GRAMD2B: variants seen among roughly 807,000 people sequenced by gnomAD.
The protein encoded by GRAMD2B is GRAM domain-containing protein 2B.
In GRAMD2B, 41 loss-of-function variants were observed where a neutral mutation model predicts 59.2. The observed-to-expected ratio is 0.69, with a 90% CI of 0.54 to 0.90. The LOEUF (loss-of-function observed/expected upper bound fraction) is 0.90, where lower values mean the gene tolerates loss of function less well. Ranked by LOEUF, GRAMD2B falls within the 40% of genes least tolerant of loss-of-function variation. GRAMD2B has a pLI of 0.00. For missense variants in GRAMD2B, 424 were observed against 500.5 expected, an observed-to-expected ratio of 0.85 and a Z score of 1.46; for synonymous variants, 161 against 182.7, an observed-to-expected ratio of 0.88 and a Z score of 0.96.
intron 1 of GRAMD2B, among the ~76,000 whole-genome samples, chr5:126,453,399 A>G (rs910685213): frequency 1.3e-4 from 20 of 152,022 alleles, no homozygotes; most frequent in African/African-American, 4.8e-4. Flanking sequence ...AAAAATGCTT[A>G]AAGTCCCTGC....
intron 2 of GRAMD2B, chr5:126,466,299 A>C (rs979996933): frequency 6.6e-7 from 1 of 1,519,104 alleles, no homozygotes; most frequent in Non-Finnish European, 8.9e-7. Context: ...CCCAGCCCAT[A>C]TCTTCTCTCC....
At chr5:126,404,792 C>G (rs951678724) in intron 1 of GRAMD2B, among the ~76,000 whole-genome samples, 1 of 151,840 alleles carries the variant, frequency 6.6e-6, no homozygotes, top group African/African-American at 2.4e-5. Flanking sequence ...ACACCATCTC[C>G]ATGTCAACAG....
In GRAMD2B at chr5:126,480,634, G is replaced by A. The variant is rs950402726; in HGVS notation, c.662G>A (p.Ser221Asn). 6.2e-7 allele frequency: 1 copy of A among 1,613,980 alleles called. No homozygotes were observed. Among genetic ancestry groups the A allele is most frequent in the Non-Finnish European group, 8.5e-7 (1 of 1,179,862 alleles). Residue 221 changes from serine (S) to asparagine (N), a missense_variant, in exon 8 of 14, where the codon AGT becomes AAT. Coordinates refer to ENST00000285689, the MANE Select transcript of GRAMD2B (RefSeq NM_023927.4). ...TTGTTCCAATAATTTCAGAATACAA[G>A]TGTTGGTAACAGTCCCAATCCATCT... ...KSVCGHLENT[S>N]VGNSPNPSSA...
chr5:126,406,845 G>A (rs1200735938), intron 1 of GRAMD2B, among the ~76,000 whole-genome samples: 1 of 151,996 alleles, frequency 6.6e-6, no homozygotes, highest in African/African-American at 2.4e-5. Flanking sequence ...GGAGAAGTAA[G>A]CCAGATTGCT....
At position 126,392,251 on chromosome 5, in the gene GRAMD2B, A is replaced by C. The variant is rs113598455; in HGVS notation, c.125+20684A>C. Among the ~76,000 whole-genome samples, 1,522 of 152,290 alleles carry C rather than the reference A, an allele frequency of 1.0e-2. 39 individuals carry two copies. Among genetic ancestry groups the C allele is most frequent in the African/African-American group, 0.035 (1,465 of 41,554 alleles). ...AGAGATTCACTAGAAGGACTCATAGAACTCACCATTATTCGACTCATGGCT... is the reference window on the plus strand; with the variant it reads ...AGAGATTCACTAGAAGGACTCATAGCACTCACCATTATTCGACTCATGGCT... On this transcript the variant is annotated intron_variant, in intron 1 of 8. Transcript: ENST00000506445.
At chr5:126,449,242 A>G (rs1273336634) in intron 1 of GRAMD2B, among the ~76,000 whole-genome samples, 2 of 152,226 alleles carry the variant, frequency 1.3e-5, no homozygotes, top group African/African-American at 4.8e-5. Flanking sequence ...CTATCCCGTA[A>G]AAGTTAGTTA....
At chr5:126,361,827 G>A (rs542854746) in intron 1 of GRAMD2B, among the ~76,000 whole-genome samples, 2 of 152,296 alleles carry the variant, frequency 1.3e-5, no homozygotes, top group East Asian at 3.9e-4. Flanking sequence ...ATTGCTCACT[G>A]TGGCTGTGGA....
At chr5:126,408,583 G>A (rs939442008) in intron 1 of GRAMD2B, among the ~76,000 whole-genome samples, 11 of 151,040 alleles carry the variant, frequency 7.3e-5, no homozygotes, top group African/African-American at 2.7e-4. Flanking sequence ...TCCCTTGAAT[G>A]TGGCCTGATT....
At chr5:126,404,936 T>G (rs1034464067) in intron 1 of GRAMD2B, among the ~76,000 whole-genome samples, 1 of 151,892 alleles carries the variant, frequency 6.6e-6, no homozygotes, top group African/African-American at 2.4e-5. Flanking sequence ...TCTCCATATT[T>G]TAATTATCAC....
intron 2 of GRAMD2B, among the ~76,000 whole-genome samples, chr5:126,469,059 A>C (rs1258735484): frequency 1.3e-5 from 2 of 152,208 alleles, no homozygotes; most frequent in Non-Finnish European, 2.9e-5. Context: ...AATATTATTT[A>C]GTAATTTGCC....
chr5:126,360,388 A>G (rs2149680700), exon 1 of GRAMD2B: 1 of 1,551,454 alleles, frequency 6.4e-7, no homozygotes, highest in Non-Finnish European at 8.7e-7. Context: ...AAACATTCCA[A>G]GCACAGCTTA....
intron 1 of GRAMD2B, among the ~76,000 whole-genome samples, chr5:126,453,914 T>C (rs1765806964): frequency 6.6e-6 from 1 of 152,244 alleles, no homozygotes. Flanking sequence ...ATTGTTTTCC[T>C]GTATTGCAAA....
intron 1 of GRAMD2B, among the ~76,000 whole-genome samples, chr5:126,452,658 C>T (rs1212906669): frequency 1.3e-5 from 2 of 152,152 alleles, no homozygotes; most frequent in East Asian, 3.9e-4. Flanking sequence ...ACTACAGACA[C>T]CACTTCTCCT....
chr5:126,481,813 A>G (rs1290749922), intron 8 of GRAMD2B, among the ~76,000 whole-genome samples: 2 of 152,054 alleles, frequency 1.3e-5, no homozygotes, highest in Non-Finnish European at 2.9e-5. Context: ...TAAAAAATAC[A>G]AAAAATTAGC....
chr5:126,445,984 T>C (rs1764148063), intron 1 of GRAMD2B, among the ~76,000 whole-genome samples: 1 of 152,038 alleles, frequency 6.6e-6, no homozygotes, highest in African/African-American at 2.4e-5. Flanking sequence ...CCATGTGGAC[T>C]AGTGTGAGAA....
intron 1 of GRAMD2B, among the ~76,000 whole-genome samples, chr5:126,441,669 C>G (rs1391909225): frequency 1.3e-5 from 2 of 152,146 alleles, no homozygotes; most frequent in Admixed American, 1.3e-4. Flanking sequence ...TCACAATTAC[C>G]ACTGCAATGG....
Position 126,361,688 on chromosome 5 carries a change from G to T in GRAMD2B, c.128+1229G>T, listed in dbSNP as rs185711534. On this transcript the variant is annotated intron_variant, in intron 1 of 13. Transcript: ENST00000513040. ...AACTGCCCAGGGCTCTGCAGTTCTC[G>T]TGATGGCCCAGCCCAGTCACCAAAC... Among the ~76,000 whole-genome samples, 5 of 152,194 alleles carry T rather than the reference G, an allele frequency of 3.3e-5. No individual in the cohort carries two copies. In the South Asian group the frequency reaches 8.3e-4, roughly 25 times the overall value.
chr5:126,365,174 A>G (rs1037410234), intron 1 of GRAMD2B, among the ~76,000 whole-genome samples: 6 of 152,124 alleles, frequency 3.9e-5, no homozygotes, highest in Non-Finnish European at 7.4e-5. Flanking sequence ...TTTGTTTTGT[A>G]AACTAAAAAA....
chr5:126,420,409 G>A (rs1326317696), upstream of GRAMD2B, among the ~76,000 whole-genome samples: 4 of 152,142 alleles, frequency 2.6e-5, no homozygotes. Flanking sequence ...GCAAACATCA[G>A]TAGGTAAAAT....
Sources: gnomAD v4.1 joint callset for allele counts (sites outside exome capture counted in the v4.1 genomes callset) on GRCh38, gnomAD v4.1.1 for gene constraint, MANE v1.5 for transcripts, NCBI Gene and HGNC (gene_info 2026-07-23, HGNC 2026-07-21) for gene names.